Variants in DAZAP1 observed in about 807,000 individuals in gnomAD.
DAZAP1 encodes the protein DAZ-associated protein 1.
Under a neutral mutation model 60.1 loss-of-function variants are expected in DAZAP1, and 6 were observed. The observed-to-expected ratio is 0.10, with a 90% CI of 0.05 to 0.20. The LOEUF (loss-of-function observed/expected upper bound fraction) is 0.20, where lower values mean the gene tolerates loss of function less well. Among genes scored for constraint, DAZAP1 ranks in the 10% least tolerant of loss-of-function variants. The probability of loss-of-function intolerance (pLI) is 1.00; values close to 1 mark genes in which losing one functional copy is unlikely to be tolerated. For synonymous variants in DAZAP1, 235 were observed against 215.9 expected (o/e 1.09, Z -0.78); for missense variants, 366 against 560.4 (o/e 0.65, Z 3.50).
intron 1 of DAZAP1, among the ~76,000 whole-genome samples, chr19:1,408,595 G>T (rs2082733878): frequency 6.6e-6 from 1 of 152,226 alleles, no homozygotes; most frequent in Non-Finnish European, 1.5e-5. Context: ...AGGGGGCTCG[G>T]GTCAGCCGGG....
At chr19:1,430,174 G>C (rs1039093269) in intron 9 of DAZAP1, 48 bp from the exon 10 acceptor site, 11 of 1,571,616 alleles carry the variant, frequency 7.0e-6, no homozygotes, top group Non-Finnish European at 9.5e-6. Context: ...TGGCCAGTCT[G>C]TGTTGTCCAG....
intron 1 of DAZAP1, among the ~76,000 whole-genome samples, chr19:1,412,216 G>A (rs1254509716): frequency 1.3e-5 from 2 of 152,164 alleles, no homozygotes; most frequent in Non-Finnish European, 2.9e-5. Context: ...GGCTGGAGGG[G>A]GGGCATCTGA....
rs1393610234 is a variant in DAZAP1 at position 1,417,152 on chromosome 19, C to G, written c.30-348C>G. On this transcript the variant is annotated intron_variant, in intron 1 of 11. Coordinates refer to ENST00000233078, the MANE Select transcript of DAZAP1 (RefSeq NM_018959.4). ...CCTGATTATAAAATACTCGCAAAAG[C>G]TGTAGGAAAGCGAGCCTGTGTCCCA... 1.8e-5 allele frequency: 6 copies of G among 330,168 alleles called. No homozygotes were observed. In the East Asian group the frequency reaches 5.2e-4, roughly 29 times the overall value. The allele number at this position is 330,168 out of a possible 1,614,324, so 20.5% of individuals were successfully genotyped here. A position where few individuals can be genotyped will look rare whatever the true frequency, so the allele number is the denominator to read the frequency against.
rs1360646690 is a variant in DAZAP1, at chr19:1,432,700, C to T, written c.1048+10C>T. 2 of 1,582,670 alleles carry T rather than the reference C, an allele frequency of 1.3e-6. No individual in the cohort carries two copies. The highest frequency in any genetic ancestry group is 4.5e-5 in the East Asian group (2 of 44,406). ...CCCTATGGTCAGTATGGTAAGTGGTCTCCTGCCATGCCGCGTCCCCGCTGG... is the reference window on the plus strand; with the variant it reads ...CCCTATGGTCAGTATGGTAAGTGGTTTCCTGCCATGCCGCGTCCCCGCTGG... On this transcript the variant is annotated intron_variant, in intron 11 of 11. Transcript: ENST00000233078. The surrounding 1 kb of genome is among the most constrained non-coding windows in gnomAD (Gnocchi z 4.9).
Position 1,428,690 on chromosome 19 carries a change from A to G in DAZAP1, c.547-152A>G. ...CACAAAAGAATTTTTTAAGAAAAAA[A>G]TGCTACTGGCCTAAATAAGGTTTAT... On this transcript the variant is annotated intron_variant, in intron 7 of 11. Coordinates refer to ENST00000233078, the MANE Select transcript of DAZAP1 (RefSeq NM_018959.4). The surrounding 1 kb of genome is among the most constrained non-coding windows in gnomAD (Gnocchi z 4.0). The G allele has an allele frequency of 1.1e-6, 1 of 946,166 alleles. No homozygotes were observed. The highest frequency in any genetic ancestry group is 1.5e-6 in the Non-Finnish European group (1 of 646,000). 58.6% of individuals were successfully genotyped at this position (946,166 alleles called of 1,614,324 possible).
intron 1 of DAZAP1, among the ~76,000 whole-genome samples, chr19:1,414,297 C>T (rs2082911906): frequency 1.3e-5 from 2 of 152,054 alleles, no homozygotes; most frequent in Non-Finnish European, 2.9e-5. Flanking sequence ...GGATTACAGG[C>T]GTGAGCCAGT....
Position 1,418,422 on chromosome 19 carries a change from C to T in DAZAP1, c.237+52C>T, listed in dbSNP as rs928494187. 3 of 1,593,648 alleles carry T rather than the reference C, an allele frequency of 1.9e-6. No homozygotes were observed. Among genetic ancestry groups the T allele is most frequent in the Non-Finnish European group, 1.7e-6 (2 of 1,166,112 alleles). On this transcript the variant is annotated intron_variant, in intron 3 of 11. Transcript: ENST00000233078. The surrounding 1 kb of genome is among the most constrained non-coding windows in gnomAD (Gnocchi z 5.7). ...CCGCTCTCTGTCTCCCCTGTCCTTCCTCTGCTTCATTTTTTCCTGGACTCT... is the reference window on the plus strand; with the variant it reads ...CCGCTCTCTGTCTCCCCTGTCCTTCTTCTGCTTCATTTTTTCCTGGACTCT...
intron 5 of DAZAP1, among the ~76,000 whole-genome samples, chr19:1,421,861 C>T (rs1024807547): frequency 6.6e-6 from 1 of 152,218 alleles, no homozygotes; most frequent in Non-Finnish European, 1.5e-5. Context: ...GTGCCACGGG[C>T]CTGGGCCAGG....
intron 1 of DAZAP1, among the ~76,000 whole-genome samples, chr19:1,408,626 C>T (rs371291792): frequency 6.6e-6 from 1 of 152,186 alleles, no homozygotes; most frequent in African/African-American, 2.4e-5. Context: ...TTTACGTTGC[C>T]TCGGCGCCTC....
In DAZAP1 at chr19:1,432,385, C is replaced by T. The variant is rs2083474514; in HGVS notation, c.872-129C>T. ...TCCATTCTGTGGATGTCCACAAGGC[C>T]TGGGCGTTCTGTGGGTTTGGGTGGC... is the stretch of plus-strand genomic sequence containing the variant. On this transcript the variant is annotated intron_variant, in intron 10 of 11. Coordinates refer to ENST00000233078, the MANE Select transcript of DAZAP1 (RefSeq NM_018959.4). This position sits in a 1 kb window ranked among gnomAD's most constrained non-coding sequence, Gnocchi z 4.9. The T allele has an allele frequency of 6.4e-6, 6 of 943,804 alleles. No homozygotes were observed. Among genetic ancestry groups the T allele is most frequent in the Non-Finnish European group, 1.0e-5 (6 of 595,968 alleles). The allele number at this position is 943,804 out of a possible 1,614,324, so 58.5% of individuals were successfully genotyped here.
In DAZAP1 at chr19:1,425,889, A is replaced by G. The variant is rs2083294753; in HGVS notation, c.475A>G (p.Ile159Val). 6.2e-7 allele frequency: 1 copy of G among 1,613,094 alleles called. No individual in the cohort carries two copies. The highest frequency in any genetic ancestry group is 8.5e-7 in the Non-Finnish European group (1 of 1,179,054). ...EKQRPRGFGFITFEDEQSVDQ... is the reference protein window; with the variant it reads ...EKQRPRGFGFVTFEDEQSVDQ... ...TCGTCGTTGGCTAGGTTTTGGATTT[A>G]TTACTTTCGAGGACGAACAATCAGT... The change falls in exon 7 of 12, where the codon ATT becomes GTT. Residue 159 changes from isoleucine to valine, a missense_variant. Around this residue, in one of 3 missense-constraint regions of DAZAP1, gnomAD observed 28 missense variants for 96.3 expected, o/e 0.29. Coordinates refer to ENST00000233078, the MANE Select transcript of DAZAP1 (RefSeq NM_018959.4). This position sits in a 1 kb window ranked among gnomAD's most constrained non-coding sequence, Gnocchi z 5.4.
At position 1,433,614 on chromosome 19, in the gene DAZAP1, C is replaced by T. The variant is rs2083513199; in HGVS notation, c.1048+924C>T. On this transcript the variant is annotated intron_variant, in intron 11 of 11. Transcript: ENST00000233078. The surrounding 1 kb of genome is among the most constrained non-coding windows in gnomAD (Gnocchi z 6.1). ...TGTGGGTTCTTGACCCACTCACCAC[C>T]AAACCCTGGCGTGTCTGAGACTGGC... 3 of 771,348 alleles carry T rather than the reference C, an allele frequency of 3.9e-6. No homozygotes were observed. The highest frequency in any genetic ancestry group is 6.5e-6 in the Non-Finnish European group (3 of 462,928). The allele number at this position is 771,348 out of a possible 1,614,324, so 47.8% of individuals were successfully genotyped here.
intron 6 of DAZAP1, among the ~76,000 whole-genome samples, chr19:1,424,410 A>G (rs938323954): frequency 7.5e-6 from 1 of 133,590 alleles, no homozygotes; most frequent in African/African-American, 2.8e-5. Context: ...AGTCACGCTC[A>G]GGTGCACACG....
intron 1 of DAZAP1, among the ~76,000 whole-genome samples, chr19:1,412,228 C>T (rs759294479): frequency 6.6e-6 from 1 of 152,188 alleles, no homozygotes; most frequent in Non-Finnish European, 1.5e-5. Flanking sequence ...GGCATCTGAC[C>T]CTGCTGGGGA....
At chr19:1,430,396 G>A (rs781340226) in intron 10 of DAZAP1, 34 bp downstream of exon 10, 24 of 1,467,982 alleles carry the variant, frequency 1.6e-5, no homozygotes, top group South Asian at 2.9e-5. Flanking sequence ...AGGGCCTCCC[G>A]CCTGCTCCGG....
In DAZAP1 at chr19:1,407,743, G is replaced by T. The variant is rs981463516; in HGVS notation, c.-31G>T. 1 of 1,082,748 alleles carries T rather than the reference G, an allele frequency of 9.2e-7. No homozygotes were observed. Among genetic ancestry groups the T allele is most frequent in the African/African-American group, 1.7e-5 (1 of 58,686 alleles). 67.1% of individuals were successfully genotyped at this position (1,082,748 alleles called of 1,614,324 possible). On this transcript the variant is annotated 5_prime_UTR_variant, in exon 1 of 12. Coordinates refer to ENST00000233078, the MANE Select transcript of DAZAP1 (RefSeq NM_018959.4). ...GAGGCGGGAGCGAGCGAGGAGGCCC[G>T]GGAGCGCCGAGCGTCGCCGCCGCCG...
chr19:1,417,260 G>C, intron 1 of DAZAP1: 1 of 568,326 alleles, frequency 1.8e-6, no homozygotes, highest in Non-Finnish European at 3.1e-6. Flanking sequence ...TGAGGTCAGC[G>C]TGCGGCTCTG....
chr19:1,434,747 G>A lies in DAZAP1; in HGVS notation c.1059G>A (p.Gly353=), dbSNP rs763795484. 6.2e-7 allele frequency: 1 copy of A among 1,612,350 alleles called. No homozygotes were observed. Among genetic ancestry groups the A allele is most frequent in the Non-Finnish European group, 8.5e-7 (1 of 1,179,300 alleles). ...DFPYGQYAGY[G]QDLSGFGQGF... ...GACTTTCTCCCCCAGCAGGTTACGG[G>A]CAGGACTTGAGTGGCTTCGGACAGG... is the stretch of plus-strand genomic sequence containing the variant. The change falls in exon 12 of 12, where the codon GGG becomes GGA. Residue 353 remains glycine (G), a synonymous_variant. Transcript: ENST00000233078. This position sits in a 1 kb window ranked among gnomAD's most constrained non-coding sequence, Gnocchi z 8.0.
In DAZAP1 at chr19:1,422,422, G is replaced by A. The variant is rs367766585; in HGVS notation, c.463+26G>A. On this transcript the variant is annotated intron_variant, in intron 6 of 11. Coordinates refer to ENST00000233078, the MANE Select transcript of DAZAP1 (RefSeq NM_018959.4). This position sits in a 1 kb window ranked among gnomAD's most constrained non-coding sequence, Gnocchi z 4.5. ...GTAAGGGCAGATCTAGTTTGACCTC[G>A]GCCTTCTCCCTGCTCCTCCCTCAGA... 37 of 1,610,942 alleles carry A rather than the reference G, an allele frequency of 2.3e-5. No homozygotes were observed. Among genetic ancestry groups the A allele is most frequent in the African/African-American group, 6.7e-5 (5 of 74,738 alleles).
Sources: gnomAD v4.1 joint callset for allele counts (sites outside exome capture counted in the v4.1 genomes callset) on GRCh38, gnomAD v4.1.1 for gene constraint, gnomAD v4.1.1 regional missense constraint, Gnocchi (gnomAD v3.1) non-coding constraint, MANE v1.5 for transcripts, NCBI Gene and HGNC (gene_info 2026-07-23, HGNC 2026-07-21) for gene names.